B3GALT1: variants seen among roughly 807,000 people sequenced by gnomAD.
B3GALT1 encodes the protein UDP-Gal:betaGlcNAc beta 1,3-galactosyltransferase, polypeptide 1.
In B3GALT1, 10 loss-of-function variants were observed where a neutral mutation model predicts 23.2. That is an observed-to-expected ratio of 0.43 (90% CI 0.27 to 0.73). B3GALT1 has a LOEUF of 0.73. Among genes scored for constraint, B3GALT1 ranks in the 30% least tolerant of loss-of-function variants. The pLI, the probability that B3GALT1 is intolerant of heterozygous loss-of-function variation, is 0.21. For missense variants in B3GALT1, 299 were observed against 405.4 expected (o/e 0.74, Z 2.25); for synonymous variants, 156 against 141.5 (o/e 1.10, Z -0.73).
At chr2:167,618,640 A>G (rs1007416107) in intron 2 of B3GALT1, among the ~76,000 whole-genome samples, 1 of 152,048 alleles carries the variant, frequency 6.6e-6, no homozygotes, top group East Asian at 1.9e-4. Context: ...GTCTAGGTCA[A>G]TTCAGCATCA....
intron 1 of B3GALT1, among the ~76,000 whole-genome samples, chr2:167,320,668 C>T (rs1347528354): frequency 1.3e-5 from 2 of 152,088 alleles, no homozygotes; most frequent in East Asian, 3.8e-4. Flanking sequence ...TTTTAAGGCA[C>T]TTGAAGTCAT....
chr2:167,441,898 C>CT (rs1698899717), intron 1 of B3GALT1, among the ~76,000 whole-genome samples: 1 of 150,676 alleles, frequency 6.6e-6, no homozygotes, highest in Admixed American at 6.6e-5. Context: ...TTTTATTATA[C>CT]TTTAAGTTTT....
At chr2:167,529,635 C>A (rs1018269650) in intron 2 of B3GALT1, among the ~76,000 whole-genome samples, 1 of 151,582 alleles carries the variant, frequency 6.6e-6, no homozygotes, top group African/African-American at 2.4e-5. Context: ...CAGTTGCTAG[C>A]ACCTCCGTCT....
intron 4 of B3GALT1, among the ~76,000 whole-genome samples, chr2:167,843,056 T>C (rs953289266): frequency 6.6e-6 from 1 of 152,180 alleles, no homozygotes; most frequent in African/African-American, 2.4e-5. Context: ...CCAGGATGCC[T>C]GACCACATGG....
chr2:167,506,724 A>G (rs765943234), intron 2 of B3GALT1, among the ~76,000 whole-genome samples: 4 of 152,236 alleles, frequency 2.6e-5, no homozygotes, highest in African/African-American at 9.6e-5. Context: ...CATGTGGCAT[A>G]ATACACACAT....
At chr2:167,571,296 C>T (rs985697640) in intron 2 of B3GALT1, among the ~76,000 whole-genome samples, 2 of 151,896 alleles carry the variant, frequency 1.3e-5, no homozygotes. Context: ...TCCCATGTGG[C>T]TCAAACGTGC....
chr2:167,688,267 A>G (rs1686649588), intron 3 of B3GALT1, among the ~76,000 whole-genome samples: 1 of 152,172 alleles, frequency 6.6e-6, no homozygotes, highest in Non-Finnish European at 1.5e-5. Context: ...TGTCAGACCA[A>G]AATATATCAA....
chr2:167,826,156 G>A (rs1386921162), intron 4 of B3GALT1, among the ~76,000 whole-genome samples: 2 of 152,130 alleles, frequency 1.3e-5, no homozygotes, highest in African/African-American at 4.8e-5. Context: ...TTCCTAAAGT[G>A]ATGTGGGGTG....
intron 3 of B3GALT1, among the ~76,000 whole-genome samples, chr2:167,772,465 G>A (rs1473409309): frequency 2.0e-5 from 3 of 152,124 alleles, no homozygotes; most frequent in Non-Finnish European, 4.4e-5. Flanking sequence ...TACTGAAAAT[G>A]ACTAACTCAG....
At chr2:167,788,318 C>G (rs1380852871) in intron 3 of B3GALT1, among the ~76,000 whole-genome samples, 1 of 151,936 alleles carries the variant, frequency 6.6e-6, no homozygotes, top group Non-Finnish European at 1.5e-5. Flanking sequence ...GCACATTACA[C>G]TTATTGTGCA....
intron 3 of B3GALT1, among the ~76,000 whole-genome samples, chr2:167,783,842 G>C (rs894653052): frequency 6.6e-6 from 1 of 152,284 alleles, no homozygotes. Context: ...GTCTTGAGGA[G>C]AACACCCATC....
intron 2 of B3GALT1, among the ~76,000 whole-genome samples, chr2:167,573,900 T>G (rs535023524): frequency 3.3e-5 from 5 of 151,830 alleles, no homozygotes; most frequent in African/African-American, 1.2e-4. Flanking sequence ...ACAGTCCGAA[T>G]TCTATGTACA....
intron 3 of B3GALT1, among the ~76,000 whole-genome samples, chr2:167,756,919 A>C (rs993335560): frequency 1.3e-5 from 2 of 152,102 alleles, no homozygotes; most frequent in Admixed American, 1.3e-4. Context: ...ATCTCTTTTT[A>C]GTGTTAGGAG....
At chr2:167,685,490 A>G (rs1686603991) in intron 3 of B3GALT1, among the ~76,000 whole-genome samples, 1 of 152,192 alleles carries the variant, frequency 6.6e-6, no homozygotes, top group African/African-American at 2.4e-5. Context: ...GCCTTTAGCA[A>G]AGAAGCTCAG....
chr2:167,510,720 A>G (rs1699992371), intron 2 of B3GALT1, among the ~76,000 whole-genome samples: 1 of 152,188 alleles, frequency 6.6e-6, no homozygotes, highest in Non-Finnish European at 1.5e-5. Context: ...AAAGACAGGA[A>G]GAAGAGCAAT....
chr2:167,428,085 A>G (rs1156698954), intron 1 of B3GALT1, among the ~76,000 whole-genome samples: 1 of 152,236 alleles, frequency 6.6e-6, no homozygotes, highest in Non-Finnish European at 1.5e-5. Flanking sequence ...TTTTGCCACT[A>G]AGTGTTATCG....
At chr2:167,715,854 T>C (rs1687134098) in intron 3 of B3GALT1, 1 of 1,613,750 alleles carries the variant, frequency 6.2e-7, no homozygotes, top group Non-Finnish European at 8.5e-7. Flanking sequence ...TCTTCCCACA[T>C]AAAGCCGACT....
intron 3 of B3GALT1, among the ~76,000 whole-genome samples, chr2:167,680,781 T>C (rs1686516002): frequency 6.6e-6 from 1 of 152,228 alleles, no homozygotes; most frequent in Admixed American, 6.5e-5. Flanking sequence ...CAGAATTTTT[T>C]TTTATTTCAA....
intron 3 of B3GALT1, among the ~76,000 whole-genome samples, chr2:167,774,831 T>C (rs978386539): frequency 3.9e-5 from 6 of 152,196 alleles, no homozygotes; most frequent in African/African-American, 1.4e-4. Context: ...CTTAAGCTAA[T>C]GAACCAAGTT....
Sources: allele counts gnomAD v4.1 joint callset (sites outside exome capture counted in the v4.1 genomes callset), GRCh38; gene constraint gnomAD v4.1.1; transcripts MANE v1.5; gene names NCBI Gene and HGNC (gene_info 2026-07-23, HGNC 2026-07-21).